Variants in ADAM22 observed in about 807,000 individuals in gnomAD.
ADAM22 encodes the protein ADAM metallopeptidase domain 22, also known as disintegrin and metalloproteinase domain-containing protein 22.
In ADAM22, 65 loss-of-function variants were observed where a neutral mutation model predicts 144.6. The observed-to-expected ratio is 0.45, with a 90% confidence interval of 0.37 to 0.55. The LOEUF (loss-of-function observed/expected upper bound fraction) is 0.55. ADAM22 is among the 20% of genes least tolerant of loss of function. The pLI, the probability that ADAM22 is intolerant of heterozygous loss-of-function variation, is 0.00. For synonymous variants in ADAM22, 391 were observed against 412.6 expected (o/e 0.95, Z 0.63); for missense variants, 974 against 1,184.9 (o/e 0.82, Z 2.61).
At chr7:88,084,762 C>T (rs1295144303) in intron 4 of ADAM22, among the ~76,000 whole-genome samples, 1 of 152,152 alleles carries the variant, frequency 6.6e-6, no homozygotes, top group Non-Finnish European at 1.5e-5. Flanking sequence ...TACTTCTTTA[C>T]CTTCCATGTT....
At chr7:87,982,068 T>TATATATATATATATACACACACAC (rs1244517564) in intron 3 of ADAM22, among the ~76,000 whole-genome samples, 1 of 93,740 alleles carries the variant, frequency 1.1e-5, no homozygotes, top group Admixed American at 1.3e-4. Context: ...TATATATATA[T>TATATATATATATATACACACACAC]ACACACACAC....
At chr7:87,983,409 G>A (rs1854201085) in intron 3 of ADAM22, among the ~76,000 whole-genome samples, 4 of 152,006 alleles carry the variant, frequency 2.6e-5, no homozygotes. Flanking sequence ...CCTAGGAATT[G>A]TATTTGTTTT....
At position 87,996,663 on chromosome 7, in the gene ADAM22, C is replaced by T. The variant is rs373300087; in HGVS notation, c.323+18251C>T. ...AGAGTTCATATAGAAAAAGGTTTAC[C>T]CCATAAATTCTGGGATCACGATACC... On this transcript the variant is annotated intron_variant, in intron 3 of 31. Transcript: ENST00000413139. Among the ~76,000 whole-genome samples the T allele has an allele frequency of 1.1e-4, 16 of 152,296 alleles. No individual in the cohort carries two copies. In the East Asian group the frequency reaches 2.3e-3, roughly 22 times the overall value.
At chr7:87,997,838 A>G (rs1046393722) in intron 3 of ADAM22, among the ~76,000 whole-genome samples, 2 of 152,192 alleles carry the variant, frequency 1.3e-5, no homozygotes, top group African/African-American at 4.8e-5. Context: ...AATAGGATAG[A>G]TGTATATATG....
At chr7:88,045,891 TGTGTGTG>T (rs1563096278) in intron 3 of ADAM22, among the ~76,000 whole-genome samples, 7 of 64,792 alleles carry the variant, frequency 1.1e-4, no homozygotes, top group African/African-American at 3.9e-4. Context: ...TATTCTATTG[TGTGTGTG>T]TGTGTGTGTG....
chr7:88,075,144 T>C (rs1813951468), intron 3 of ADAM22, among the ~76,000 whole-genome samples: 2 of 152,218 alleles, frequency 1.3e-5, no homozygotes, highest in South Asian at 4.1e-4. Context: ...CAAATGTTGA[T>C]GGTATATATT....
At chr7:87,937,884 G>A (rs1170045734) in intron 2 of ADAM22, among the ~76,000 whole-genome samples, 1 of 152,200 alleles carries the variant, frequency 6.6e-6, no homozygotes, top group Non-Finnish European at 1.5e-5. Flanking sequence ...CCTGGGATAT[G>A]TGTACATAGT....
chr7:88,108,431 A>AT (rs1379657001), intron 5 of ADAM22, among the ~76,000 whole-genome samples, 173 bp downstream of exon 5: 15 of 152,108 alleles, frequency 9.9e-5, no homozygotes, highest in African/African-American at 3.6e-4. Flanking sequence ...AGATTTTTAA[A>AT]TTAGGGTTGC....
intron 3 of ADAM22, among the ~76,000 whole-genome samples, chr7:87,989,982 A>G (rs1340012857): frequency 6.6e-6 from 1 of 152,106 alleles, no homozygotes; most frequent in Non-Finnish European, 1.5e-5. Flanking sequence ...TAGTTACTTG[A>G]GTAACTTGAA....
At chr7:88,008,136 A>G (rs1287650600) in intron 3 of ADAM22, among the ~76,000 whole-genome samples, 5 of 151,938 alleles carry the variant, frequency 3.3e-5, no homozygotes, top group African/African-American at 7.2e-5. Flanking sequence ...GCAGCCAAAA[A>G]ACACATGAAA....
intron 3 of ADAM22, among the ~76,000 whole-genome samples, chr7:88,009,583 A>T (rs1794886469): frequency 6.8e-6 from 1 of 146,764 alleles, no homozygotes; most frequent in Non-Finnish European, 1.5e-5. Flanking sequence ...AAACTTCACC[A>T]AATATGCTAT....
intron 3 of ADAM22, among the ~76,000 whole-genome samples, chr7:87,992,787 A>C (rs1790199732): frequency 6.6e-6 from 1 of 152,158 alleles, no homozygotes; most frequent in African/African-American, 2.4e-5. Flanking sequence ...TACAGCCCCA[A>C]GTGTGACTCT....
chr7:87,959,424 C>G (rs183722852), intron 2 of ADAM22, among the ~76,000 whole-genome samples: 1 of 151,928 alleles, frequency 6.6e-6, no homozygotes, highest in Non-Finnish European at 1.5e-5. Context: ...AACTGATACT[C>G]GGTGTCATAT....
At chr7:88,070,401 T>C (rs767373786) in intron 3 of ADAM22, among the ~76,000 whole-genome samples, 3 of 152,214 alleles carry the variant, frequency 2.0e-5, no homozygotes, top group Non-Finnish European at 4.4e-5. Context: ...GCCTTTAGTC[T>C]GTCTGAGTTA....
intron 7 of ADAM22, among the ~76,000 whole-genome samples, chr7:88,120,959 GTTTTA>G (rs1446188076): frequency 6.6e-6 from 1 of 151,866 alleles, no homozygotes; most frequent in Non-Finnish European, 1.5e-5. Context: ...TAGGGGTTAA[GTTTTA>G]TTTTATTATT....
intron 7 of ADAM22, among the ~76,000 whole-genome samples, chr7:88,121,175 G>A (rs1036994642): frequency 1.3e-5 from 2 of 152,006 alleles, no homozygotes; most frequent in Non-Finnish European, 1.5e-5. Context: ...ATCAAATAAC[G>A]TAAATCCTCC....
At chr7:87,965,090 T>C (rs1477961680) in intron 2 of ADAM22, among the ~76,000 whole-genome samples, 1 of 152,178 alleles carries the variant, frequency 6.6e-6, no homozygotes, top group African/African-American at 2.4e-5. Context: ...CAGTCTTCAT[T>C]CTAGCCCACT....
intron 2 of ADAM22, among the ~76,000 whole-genome samples, chr7:87,960,887 A>G (rs942247529): frequency 6.6e-6 from 1 of 152,196 alleles, no homozygotes; most frequent in Non-Finnish European, 1.5e-5. Flanking sequence ...AAAAACATTT[A>G]TTGAGGTCCT....
chr7:88,048,173 T>G (rs946672919), intron 3 of ADAM22, among the ~76,000 whole-genome samples: 16 of 152,146 alleles, frequency 1.1e-4, no homozygotes, highest in Admixed American at 7.2e-4. Flanking sequence ...TTATAAAAAT[T>G]TTTACGTTTC....
Sources: allele counts gnomAD v4.1 joint callset (sites outside exome capture counted in the v4.1 genomes callset), GRCh38; gene constraint gnomAD v4.1.1; transcripts MANE v1.5; gene names NCBI Gene and HGNC (gene_info 2026-07-23, HGNC 2026-07-21).